The following TRPM3 variants were observed in gnomAD, a reference collection of about 807,000 sequenced individuals.
The protein encoded by TRPM3 is transient receptor potential cation channel subfamily M member 3, also known as long transient receptor potential channel 3.
In TRPM3, 77 loss-of-function variants were observed where a neutral mutation model predicts 181.2. The observed-to-expected ratio is 0.42, with a 90% CI of 0.35 to 0.51. The LOEUF is 0.51. Ranked by LOEUF, TRPM3 falls within the 20% of genes least tolerant of loss-of-function variation. TRPM3 has a pLI of 0.01. For missense variants in TRPM3, 1,759 were observed against 2,196.7 expected, an observed-to-expected ratio of 0.80 and a Z score of 3.98; for synonymous variants, 745 against 796.4, an observed-to-expected ratio of 0.94 and a Z score of 1.09.
In TRPM3 at chr9:70,581,413, G is replaced by A. The variant is rs183889695; in HGVS notation, c.3223+9618C>T. Among the ~76,000 whole-genome samples the A allele has an allele frequency of 6.4e-3, 973 of 152,364 alleles. 4 individuals carry two copies. Among genetic ancestry groups the A allele is most frequent in the Middle Eastern group, 0.02 (6 of 294 alleles). ...GGTCTGATATCTAGCCGCAGGAAGC[G>A]ACTCGCTCCACTGGACAGTATCTTG... is the stretch of plus-strand genomic sequence containing the variant. On this transcript the variant is annotated intron_variant, in intron 22 of 25. Coordinates refer to ENST00000677713, the MANE Select transcript of TRPM3 (RefSeq NM_001366145.2).
At chr9:70,801,804 T>C (rs1364737423) in intron 6 of TRPM3, among the ~76,000 whole-genome samples, 1 of 152,146 alleles carries the variant, frequency 6.6e-6, no homozygotes, top group Admixed American at 6.5e-5. Context: ...AAGTAGACTA[T>C]CTTAATGTTA....
At chr9:71,078,567 T>G (rs1253108969) in intron 1 of TRPM3, among the ~76,000 whole-genome samples, 1 of 152,198 alleles carries the variant, frequency 6.6e-6, no homozygotes, top group Non-Finnish European at 1.5e-5. Context: ...TTACAAAAAT[T>G]TTAGAACTCA....
intron 1 of TRPM3, among the ~76,000 whole-genome samples, chr9:70,914,312 C>T (rs1436072200): frequency 2.6e-5 from 4 of 152,350 alleles, no homozygotes; most frequent in Admixed American, 2.6e-4. Context: ...ATACACTGAA[C>T]TTTCTGGCAC....
chr9:70,921,909 C>T (rs950617864), intron 1 of TRPM3, among the ~76,000 whole-genome samples: 3 of 129,264 alleles, frequency 2.3e-5, no homozygotes, highest in Non-Finnish European at 4.8e-5. Context: ...GATGGGTTGG[C>T]AGCCACTATA....
intron 1 of TRPM3, among the ~76,000 whole-genome samples, chr9:71,137,519 T>C (rs1017590166): frequency 3.3e-5 from 5 of 152,210 alleles, no homozygotes; most frequent in African/African-American, 9.6e-5. Flanking sequence ...TATTTGGTAA[T>C]TGTGTCAACA....
At chr9:71,032,001 T>TATA (rs375322902) in intron 1 of TRPM3, among the ~76,000 whole-genome samples, 3 of 52,792 alleles carry the variant, frequency 5.7e-5, no homozygotes, top group African/African-American at 1.1e-4. Context: ...ATATATATAA[T>TATA]TATATAATAT....
At chr9:70,915,926 C>A (rs1247244584) in intron 1 of TRPM3, among the ~76,000 whole-genome samples, 1 of 147,618 alleles carries the variant, frequency 6.8e-6, no homozygotes, top group Non-Finnish European at 1.5e-5. Flanking sequence ...CCAAAGAAGA[C>A]TACTCCAAGG....
intron 6 of TRPM3, among the ~76,000 whole-genome samples, chr9:70,819,743 G>A (rs1431257365): frequency 6.6e-6 from 1 of 152,128 alleles, no homozygotes; most frequent in African/African-American, 2.4e-5. Context: ...TTCAAGTAGG[G>A]AGATAACAAA....
chr9:70,763,286 G>A (rs2078494378), intron 7 of TRPM3, among the ~76,000 whole-genome samples: 1 of 152,104 alleles, frequency 6.6e-6, no homozygotes, highest in Non-Finnish European at 1.5e-5. Context: ...GAGGCAGGTG[G>A]ATCACCTGAG....
In TRPM3 at chr9:70,535,811, T is replaced by C; in HGVS notation, c.*142A>G. 1 of 1,499,518 alleles carries C rather than the reference T, an allele frequency of 6.7e-7. No individual in the cohort carries two copies. Among genetic ancestry groups the C allele is most frequent in the Non-Finnish European group, 8.8e-7 (1 of 1,132,694 alleles). 92.9% of individuals were successfully genotyped at this position (1,499,518 alleles called of 1,614,324 possible). ...TGATCTGTGGCCCAGAAGTCACCTT[T>C]GAGTTAACACCTCCCAAAGCATTGC... On this transcript the variant is annotated 3_prime_UTR_variant, in exon 26 of 26. Transcript: ENST00000677713.
chr9:71,264,324 A>G (rs909303797), intron 1 of TRPM3, among the ~76,000 whole-genome samples: 2 of 152,092 alleles, frequency 1.3e-5, no homozygotes, highest in Admixed American at 1.3e-4. Flanking sequence ...AGCAGATCGC[A>G]CCTCCCCTCC....
At chr9:70,619,871 G>C (rs1360290968) in intron 16 of TRPM3, among the ~76,000 whole-genome samples, 3 of 152,186 alleles carry the variant, frequency 2.0e-5, no homozygotes, top group Non-Finnish European at 4.4e-5. Flanking sequence ...GAAGTTGACA[G>C]GATGAAATGT....
intron 12 of TRPM3, among the ~76,000 whole-genome samples, chr9:70,627,239 C>A (rs1335190700): frequency 6.7e-6 from 1 of 149,908 alleles, no homozygotes; most frequent in African/African-American, 2.5e-5. Context: ...AAGCACCAGC[C>A]TCAGGCATAT....
At chr9:70,856,220 G>A (rs1008131737) in intron 3 of TRPM3, among the ~76,000 whole-genome samples, 3 of 152,280 alleles carry the variant, frequency 2.0e-5, no homozygotes, top group East Asian at 1.9e-4. Flanking sequence ...CTATGATTAG[G>A]ATCAGAAATA....
At chr9:71,195,725 A>G (rs117049715) in intron 1 of TRPM3, among the ~76,000 whole-genome samples, 5,140 of 152,268 alleles carry the variant, frequency 0.034, 129 homozygotes, top group Middle Eastern at 0.065. Context: ...CATCAGTGGA[A>G]GACTGGGGTA....
intron 1 of TRPM3, among the ~76,000 whole-genome samples, chr9:71,224,663 A>G: frequency 6.6e-6 from 1 of 152,298 alleles, no homozygotes; most frequent in Non-Finnish European, 1.5e-5. Context: ...AACACAGAGA[A>G]GGAATTCAGA....
chr9:70,964,445 T>C (rs35806768), intron 1 of TRPM3, among the ~76,000 whole-genome samples: 27,873 of 152,034 alleles, frequency 0.18, 3,135 homozygotes, highest in East Asian at 0.29. Flanking sequence ...CTCAGTATCA[T>C]TGCTGTTTTT....
chr9:71,151,857 G>A (rs2075752130), intron 1 of TRPM3, among the ~76,000 whole-genome samples: 1 of 152,072 alleles, frequency 6.6e-6, no homozygotes, highest in Non-Finnish European at 1.5e-5. Context: ...TGAATATTTT[G>A]TGTTTTTATT....
At chr9:70,779,020 A>AT (rs910499342) in intron 7 of TRPM3, among the ~76,000 whole-genome samples, 104 of 149,444 alleles carry the variant, frequency 7.0e-4, no homozygotes, top group Non-Finnish European at 1.3e-3. Context: ...GCCATACAAC[A>AT]TTTTTTTTTT....
Sources: gnomAD v4.1 joint callset for allele counts (sites outside exome capture counted in the v4.1 genomes callset) on GRCh38, gnomAD v4.1.1 for gene constraint, MANE v1.5 for transcripts, NCBI Gene and HGNC (gene_info 2026-07-23, HGNC 2026-07-21) for gene names.